LRMDA: variants seen among roughly 807,000 people sequenced by gnomAD.
The protein encoded by LRMDA is leucine rich melanocyte differentiation associated.
In LRMDA, 18 loss-of-function variants were observed where a neutral mutation model predicts 29.8. That is an observed-to-expected ratio of 0.60 (90% CI 0.42 to 0.90). The LOEUF (loss-of-function observed/expected upper bound fraction) is 0.90. LRMDA is among the 40% of genes least tolerant of loss of function. The pLI is 0.00. For missense variants in LRMDA, 273 were observed against 273.9 expected (o/e 1.00, Z 0.02); for synonymous variants, 125 against 109.4 (o/e 1.14, Z -0.89).
intron 2 of LRMDA, among the ~76,000 whole-genome samples, chr10:75,722,047 C>G (rs1197150745): frequency 6.6e-6 from 1 of 152,022 alleles, no homozygotes; most frequent in Non-Finnish European, 1.5e-5. Flanking sequence ...AAAAATGGCC[C>G]AAATCCCAGG....
chr10:75,724,346 T>A (rs1412129367), intron 2 of LRMDA, among the ~76,000 whole-genome samples: 1 of 152,218 alleles, frequency 6.6e-6, no homozygotes, highest in East Asian at 1.9e-4. Flanking sequence ...TGCCACCCAT[T>A]AACAAATTTG....
At chr10:76,296,014 T>A (rs1294422510) in intron 5 of LRMDA, among the ~76,000 whole-genome samples, 1 of 152,196 alleles carries the variant, frequency 6.6e-6, no homozygotes, top group Non-Finnish European at 1.5e-5. Flanking sequence ...AATTTGGGAT[T>A]AGGGACTTTG....
chr10:75,718,418 T>A (rs1261083240), intron 2 of LRMDA, among the ~76,000 whole-genome samples: 1 of 152,216 alleles, frequency 6.6e-6, no homozygotes, highest in Non-Finnish European at 1.5e-5. Context: ...CAGCCCATTG[T>A]CATTTCAGTC....
chr10:76,222,444 CA>C (rs1398819044), intron 5 of LRMDA, among the ~76,000 whole-genome samples: 1 of 152,102 alleles, frequency 6.6e-6, no homozygotes, highest in Non-Finnish European at 1.5e-5. Flanking sequence ...ACAACCCCAT[CA>C]AAAAGTGGGT....
chr10:76,544,401 A>G (rs1387690776), intron 6 of LRMDA, among the ~76,000 whole-genome samples: 1 of 152,168 alleles, frequency 6.6e-6, no homozygotes, highest in African/African-American at 2.4e-5. Flanking sequence ...AGGGACAGAT[A>G]ACACCTGGTA....
At chr10:75,988,160 G>A (rs1248706378) in intron 2 of LRMDA, among the ~76,000 whole-genome samples, 1 of 152,110 alleles carries the variant, frequency 6.6e-6, no homozygotes, top group Non-Finnish European at 1.5e-5. Flanking sequence ...AAATATGGTT[G>A]CTCCCCGCTT....
At position 76,489,238 on chromosome 10, in the gene LRMDA, T is replaced by A. The variant is rs183291483; in HGVS notation, c.602-67971T>A. 2.6e-5 allele frequency among the ~76,000 whole-genome samples: 4 copies of A among 151,950 alleles called. No homozygotes were observed. The East Asian group carries it at 5.8e-4, about 22-fold the overall frequency. ...ATTTTTTATTTCTTCATGGTTCAAT[T>A]TTGGTAGGTGGTATATGTCTAGAAA... On this transcript the variant is annotated intron_variant, in intron 6 of 6. Coordinates refer to ENST00000611255, the MANE Select transcript of LRMDA (RefSeq NM_001305581.2).
intron 2 of LRMDA, among the ~76,000 whole-genome samples, chr10:75,898,334 A>T (rs968600704): frequency 6.6e-6 from 1 of 152,232 alleles, no homozygotes; most frequent in Non-Finnish European, 1.5e-5. Flanking sequence ...AAAGGGAAAG[A>T]TATCAAAGCA....
intron 2 of LRMDA, among the ~76,000 whole-genome samples, chr10:75,907,615 C>T (rs111352569): frequency 6.6e-6 from 1 of 152,278 alleles, no homozygotes; most frequent in African/African-American, 2.4e-5. Context: ...TGGCATGGTA[C>T]GCTGCTGTTA....
intron 5 of LRMDA, among the ~76,000 whole-genome samples, chr10:76,275,461 C>T (rs961365541): frequency 3.0e-4 from 46 of 152,068 alleles, no homozygotes; most frequent in Admixed American, 2.7e-3. Flanking sequence ...TAATTGTACA[C>T]ATACAAATAT....
intron 6 of LRMDA, among the ~76,000 whole-genome samples, chr10:76,334,665 C>T (rs954030364): frequency 3.9e-5 from 6 of 152,102 alleles, no homozygotes; most frequent in Non-Finnish European, 4.4e-5. Flanking sequence ...TTCCAATAAC[C>T]TTGGATTTGT....
chr10:76,425,773 C>T (rs1036746142), intron 6 of LRMDA, among the ~76,000 whole-genome samples: 6 of 149,132 alleles, frequency 4.0e-5, no homozygotes, highest in Admixed American at 2.7e-4. Flanking sequence ...CCACAACGGG[C>T]GCTGGTGTGT....
intron 2 of LRMDA, among the ~76,000 whole-genome samples, chr10:75,810,134 A>C (rs1418528579): frequency 2.6e-5 from 4 of 152,230 alleles, no homozygotes; most frequent in Non-Finnish European, 2.9e-5. Context: ...TGGCACATTC[A>C]GAAATGATGA....
intron 5 of LRMDA, among the ~76,000 whole-genome samples, chr10:76,149,278 A>G (rs1356382675): frequency 6.6e-6 from 1 of 152,222 alleles, no homozygotes; most frequent in African/African-American, 2.4e-5. Flanking sequence ...AGTGATTAGG[A>G]TGTGCTGTGA....
At chr10:76,348,613 A>G (rs1227104690) in intron 6 of LRMDA, among the ~76,000 whole-genome samples, 1 of 152,152 alleles carries the variant, frequency 6.6e-6, no homozygotes, top group African/African-American at 2.4e-5. Flanking sequence ...AATAGCAACT[A>G]TTTCCAAACC....
intron 2 of LRMDA, among the ~76,000 whole-genome samples, chr10:75,949,051 T>G (rs796269680): frequency 1.3e-5 from 2 of 152,122 alleles, no homozygotes; most frequent in African/African-American, 4.8e-5. Flanking sequence ...GTTTGTATCT[T>G]GAGGGAAATG....
chr10:75,813,819 T>C (rs1844007963), intron 2 of LRMDA, among the ~76,000 whole-genome samples: 1 of 152,242 alleles, frequency 6.6e-6, no homozygotes, highest in African/African-American at 2.4e-5. Flanking sequence ...GATTACCCTA[T>C]GCTTGCTCTA....
intron 5 of LRMDA, among the ~76,000 whole-genome samples, chr10:76,063,929 G>C (rs1038816035): frequency 6.6e-6 from 1 of 152,136 alleles, no homozygotes; most frequent in South Asian, 2.1e-4. Context: ...CGCCCCTGGG[G>C]TGCCAGCTCC....
At chr10:76,228,506 G>T (rs971915556) in intron 5 of LRMDA, among the ~76,000 whole-genome samples, 1 of 152,170 alleles carries the variant, frequency 6.6e-6, no homozygotes, top group East Asian at 1.9e-4. Context: ...AGACAGTTTG[G>T]GGTAAAGGGG....
Sources: allele counts gnomAD v4.1 joint callset (sites outside exome capture counted in the v4.1 genomes callset), GRCh38; gene constraint gnomAD v4.1.1; transcripts MANE v1.5; gene names NCBI Gene and HGNC (gene_info 2026-07-23, HGNC 2026-07-21).